ABCA13: variants seen among roughly 807,000 people sequenced by gnomAD.
ABCA13 encodes ATP binding cassette subfamily A member 13.
In ABCA13, 476 loss-of-function variants were observed where a neutral mutation model predicts 478.7. The ratio of observed to expected loss-of-function variants is 0.99; its 90% CI spans 0.92 to 1.07. The LOEUF is 1.07. ABCA13 is among the 50% of genes least tolerant of loss of function. The probability of loss-of-function intolerance (pLI) is 0.00; values close to 1 mark genes in which losing one functional copy is unlikely to be tolerated. For synonymous variants in ABCA13, 2,252 were observed against 2,158.9 expected (o/e 1.04, Z -1.20); for missense variants, 6,060 against 5,910.6 (o/e 1.03, Z -0.83).
Position 48,404,018 on chromosome 7 carries a change from C to A in ABCA13, c.12070+139C>A, listed in dbSNP as rs771424901. On this transcript the variant is annotated intron_variant, in intron 39 of 61. Transcript: ENST00000435803. ...TCAGAAAAATATAAATTTTTAAAAG[C>A]ACTTATAGGGATATATTCGTTAGAT... 4 of 1,025,698 alleles carry A rather than the reference C, an allele frequency of 3.9e-6. No homozygotes were observed. The East Asian group carries it at 8.1e-5, about 21-fold the overall frequency. 63.5% of individuals were successfully genotyped at this position (1,025,698 alleles called of 1,614,324 possible).
At chr7:48,241,099 AG>A (rs1196644026) in intron 10 of ABCA13, 33 bp downstream of exon 10, 1 of 1,609,872 alleles carries the variant, frequency 6.2e-7, no homozygotes, top group African/African-American at 1.3e-5. Flanking sequence ...ATTATTGATT[AG>A]GTAGATGACA....
At chr7:48,631,010 G>T (rs980790684) in intron 59 of ABCA13, among the ~76,000 whole-genome samples, 1 of 151,454 alleles carries the variant, frequency 6.6e-6, no homozygotes, top group African/African-American at 2.4e-5. Context: ...GGGGTTATTT[G>T]TTTTTTGCTT....
intron 55 of ABCA13, among the ~76,000 whole-genome samples, chr7:48,549,536 G>A (rs1192861637): frequency 6.6e-6 from 1 of 151,840 alleles, no homozygotes; most frequent in Non-Finnish European, 1.5e-5. Context: ...ACGTGTGCAT[G>A]TGTCTTTATA....
chr7:48,201,895 T>C (rs1798783306), intron 3 of ABCA13, among the ~76,000 whole-genome samples: 1 of 152,084 alleles, frequency 6.6e-6, no homozygotes, highest in Admixed American at 6.6e-5. Context: ...TTCGGACGTG[T>C]CCGGAGTTTC....
In ABCA13 at chr7:48,518,671, C is replaced by A. The variant is rs927807993; in HGVS notation, c.13798-1370C>A. Among the ~76,000 whole-genome samples the A allele has an allele frequency of 3.3e-5, 5 of 152,134 alleles. No individual in the cohort carries two copies. The East Asian group carries it at 7.7e-4, about 24-fold the overall frequency. Reference sequence around the variant, plus strand: ...TTGATATTATTTGCTTAGGAAGCAACCTTATTCAAATGTTTATTTCAAATA... The same window carrying A: ...TTGATATTATTTGCTTAGGAAGCAAACTTATTCAAATGTTTATTTCAAATA... On this transcript the variant is annotated intron_variant, in intron 52 of 61. Transcript: ENST00000435803.
rs144790626 is a variant in ABCA13, at chr7:48,407,289, C to A, written c.12071-3231C>A. Among the ~76,000 whole-genome samples the A allele has an allele frequency of 9.6e-3, 1,456 of 151,972 alleles. 15 individuals are homozygous for A. Among genetic ancestry groups the A allele is most frequent in the African/African-American group, 0.033 (1,368 of 41,432 alleles). On this transcript the variant is annotated intron_variant, in intron 39 of 61. Transcript: ENST00000435803. ...AGGAGTTCGAGACCAGCCTGACCAA[C>A]ATGGCAAAACCCTGTCTCTACTAAA...
intron 31 of ABCA13, among the ~76,000 whole-genome samples, chr7:48,362,453 T>G (rs1315507050): frequency 6.7e-6 from 1 of 150,040 alleles, no homozygotes; most frequent in Non-Finnish European, 1.5e-5. Flanking sequence ...TCTATTTGCT[T>G]GATATGACTT....
chr7:48,599,134 T>C (rs1011205449), intron 58 of ABCA13, among the ~76,000 whole-genome samples: 3 of 151,994 alleles, frequency 2.0e-5, no homozygotes, highest in African/African-American at 7.2e-5. Flanking sequence ...TTTCCTTCTA[T>C]TATAAAATTT....
intron 50 of ABCA13, among the ~76,000 whole-genome samples, chr7:48,509,442 AG>A (rs1443763233): frequency 1.3e-5 from 2 of 152,206 alleles, no homozygotes; most frequent in African/African-American, 4.8e-5. Context: ...CACAACACAC[AG>A]GGGGCCACGT....
chr7:48,348,744 A>G (rs1808485936), intron 29 of ABCA13, among the ~76,000 whole-genome samples: 1 of 152,240 alleles, frequency 6.6e-6, no homozygotes, highest in Non-Finnish European at 1.5e-5. Context: ...TGAAATATAG[A>G]TGATAAATCT....
intron 42 of ABCA13, among the ~76,000 whole-genome samples, chr7:48,447,772 C>T (rs993141721): frequency 1.3e-5 from 2 of 152,132 alleles, no homozygotes; most frequent in Non-Finnish European, 2.9e-5. Context: ...TACTGAGCAT[C>T]TCATTTGGGC....
At chr7:48,368,687 GTATATATATATATATA>G (rs201820250) in intron 32 of ABCA13, among the ~76,000 whole-genome samples, 4 of 122,752 alleles carry the variant, frequency 3.3e-5, no homozygotes, top group East Asian at 2.4e-4. Flanking sequence ...GTGTGTATGT[GTATATATATATATATA>G]TATATATATA....
At chr7:48,439,890 T>C (rs2129162338) in intron 42 of ABCA13, among the ~76,000 whole-genome samples, 1 of 152,266 alleles carries the variant, frequency 6.6e-6, no homozygotes, top group South Asian at 2.1e-4. Flanking sequence ...ATTCAGGGTC[T>C]CACTCACACT....
chr7:48,642,437 A>G (rs1046974403), intron 59 of ABCA13, among the ~76,000 whole-genome samples: 2 of 152,174 alleles, frequency 1.3e-5, no homozygotes, highest in African/African-American at 4.8e-5. Flanking sequence ...TCATTAAACT[A>G]ATATTTACCA....
At chr7:48,482,045 AT>A (rs920158037) in intron 46 of ABCA13, among the ~76,000 whole-genome samples, 1 of 152,118 alleles carries the variant, frequency 6.6e-6, no homozygotes, top group African/African-American at 2.4e-5. Flanking sequence ...TTAACATTAT[AT>A]TTTTTTAAAT....
intron 48 of ABCA13, among the ~76,000 whole-genome samples, chr7:48,503,677 C>T (rs996433335): frequency 6.6e-6 from 1 of 152,144 alleles, no homozygotes; most frequent in Non-Finnish European, 1.5e-5. Flanking sequence ...CTTATATTTT[C>T]TGTATCCACT....
intron 27 of ABCA13, among the ~76,000 whole-genome samples, chr7:48,321,322 T>C (rs570268551): frequency 1.3e-5 from 2 of 152,200 alleles, no homozygotes; most frequent in East Asian, 3.9e-4. Context: ...TAAAGGGGTA[T>C]ATAATGCCAG....
chr7:48,626,767 G>T (rs1032649049), intron 59 of ABCA13: 6 of 985,614 alleles, frequency 6.1e-6, no homozygotes, highest in African/African-American at 1.7e-5. Flanking sequence ...AGATAGTGAT[G>T]TCTTTAGAGA....
Position 48,524,253 on chromosome 7 carries a change from A to G in ABCA13, c.14057A>G (p.His4686Arg), listed in dbSNP as rs377677027. The change falls in exon 54 of 62, where the codon CAT becomes CGT. Residue 4686 changes from histidine (H) to arginine (R), a missense_variant. Physicochemically the swap from His to Arg is conservative, Grantham distance 29 (BLOSUM62 0). Coordinates refer to ENST00000435803, the MANE Select transcript of ABCA13 (RefSeq NM_152701.5). ...HWDLLRWPRG[H>R]STLQGTVKSS... ...CTCTGATTTCATCTTCCCAGGGGTC[A>G]TTCTACTCTCCAAGGCACAGTCAAA... 166 of 1,610,880 alleles carry G rather than the reference A, an allele frequency of 1.0e-4. No individual in the cohort carries two copies. The African/African-American group carries it at 2.1e-3, about 21-fold the overall frequency.
Sources: allele counts gnomAD v4.1 joint callset (sites outside exome capture counted in the v4.1 genomes callset), GRCh38; gene constraint gnomAD v4.1.1; transcripts MANE v1.5; gene names NCBI Gene and HGNC (gene_info 2026-07-23, HGNC 2026-07-21).